Variants in ARL8B observed in about 807,000 individuals in gnomAD.
ARL8B encodes the protein ADP-ribosylation factor-like protein 8B.
In ARL8B, 9 loss-of-function variants were observed where a neutral mutation model predicts 30.6. The observed-to-expected ratio is 0.29, with a 90% CI of 0.18 to 0.51. The LOEUF is 0.51. ARL8B is among the 20% of genes least tolerant of loss of function. The probability of loss-of-function intolerance (pLI) is 0.97; values close to 1 mark genes in which losing one functional copy is unlikely to be tolerated. For missense variants in ARL8B, 130 were observed against 227.2 expected, an observed-to-expected ratio of 0.57 and a Z score of 2.75; for synonymous variants, 74 against 76.0, an observed-to-expected ratio of 0.97 and a Z score of 0.14.
intron 1 of ARL8B, among the ~76,000 whole-genome samples, chr3:5,154,461 A>G (rs1422194328): frequency 6.6e-6 from 1 of 151,352 alleles, no homozygotes; most frequent in Non-Finnish European, 1.5e-5. Context: ...CAGCCTCCCG[A>G]GTAGCTGGGA....
chr3:5,134,400 G>C (rs945111184), intron 1 of ARL8B, among the ~76,000 whole-genome samples: 1 of 152,246 alleles, frequency 6.6e-6, no homozygotes, highest in African/African-American at 2.4e-5. Context: ...GAGTGGGTCA[G>C]ATTCGTTTGC....
intron 2 of ARL8B, among the ~76,000 whole-genome samples, chr3:5,171,840 T>G (rs2054679186): frequency 6.6e-6 from 1 of 152,240 alleles, no homozygotes; most frequent in Admixed American, 6.5e-5. Flanking sequence ...ATTGTTATCA[T>G]AAAGACATAT....
At chr3:5,148,214 C>T (rs11706544) in intron 1 of ARL8B, among the ~76,000 whole-genome samples, 60,112 of 151,788 alleles carry the variant, frequency 0.4, 13,830 homozygotes, top group African/African-American at 0.66. Context: ...TGAGGGCATC[C>T]TCTAGGAGTG....
chr3:5,153,395 A>G (rs10428135), intron 1 of ARL8B, among the ~76,000 whole-genome samples: 57,891 of 151,920 alleles, frequency 0.38, 12,432 homozygotes, highest in African/African-American at 0.6. Context: ...GAGTTTCTCT[A>G]CACAAGCTCT....
intron 1 of ARL8B, among the ~76,000 whole-genome samples, chr3:5,154,360 G>T (rs1009914947): frequency 9.8e-5 from 12 of 123,062 alleles, no homozygotes; most frequent in Admixed American, 2.2e-4. Flanking sequence ...TTGAGACAGG[G>T]TCTCGCTGTG....
chr3:5,173,055 G>A (rs2054691072), intron 4 of ARL8B, among the ~76,000 whole-genome samples: 1 of 152,184 alleles, frequency 6.6e-6, no homozygotes. Context: ...TAGATACTCT[G>A]AAAACACTTG....
intron 1 of ARL8B, among the ~76,000 whole-genome samples, chr3:5,127,519 ATATT>A (rs1393391973): frequency 6.6e-6 from 1 of 152,266 alleles, no homozygotes; most frequent in East Asian, 1.9e-4. Context: ...TGAGGACTAT[ATATT>A]TATCTATGAA....
chr3:5,141,743 T>G (rs2054375205), intron 1 of ARL8B, among the ~76,000 whole-genome samples: 1 of 152,210 alleles, frequency 6.6e-6, no homozygotes, highest in Non-Finnish European at 1.5e-5. Context: ...AGCATAACAC[T>G]TACACCCCCT....
chr3:5,172,493 T>C (rs936785879), intron 3 of ARL8B, among the ~76,000 whole-genome samples, 154 bp from the exon 4 acceptor site: 4 of 152,210 alleles, frequency 2.6e-5, no homozygotes, highest in Admixed American at 6.5e-5. Context: ...AGTTAAAAAG[T>C]ATTAAAGGGT....
rs777278280 is a variant in ARL8B at position 5,122,430 on chromosome 3, C to A, written c.-36C>A. The A allele has an allele frequency of 6.2e-7, 1 of 1,610,522 alleles. No individual in the cohort carries two copies. Among genetic ancestry groups the A allele is most frequent in the East Asian group, 2.2e-5 (1 of 44,826 alleles). On this transcript the variant is annotated 5_prime_UTR_variant, in exon 1 of 7. Transcript: ENST00000256496. ...GGAAGTCGTCGACGCCGCCGCTCGT[C>A]CGTCCTCCCGTCCGTTCTCGCTCCC...
chr3:5,130,550 G>A (rs1316027865), intron 1 of ARL8B, among the ~76,000 whole-genome samples: 1 of 151,312 alleles, frequency 6.6e-6, no homozygotes, highest in Non-Finnish European at 1.5e-5. Flanking sequence ...TTTTTTGGCG[G>A]GGGGATGGAA....
intron 1 of ARL8B, among the ~76,000 whole-genome samples, chr3:5,156,095 G>A (rs778160717): frequency 4.6e-5 from 7 of 152,032 alleles, no homozygotes; most frequent in African/African-American, 7.2e-5. Context: ...TAGAGATGGC[G>A]TTACACTATG....
chr3:5,131,421 C>G (rs186887331), intron 1 of ARL8B, among the ~76,000 whole-genome samples: 8 of 150,880 alleles, frequency 5.3e-5, no homozygotes, highest in Non-Finnish European at 1.2e-4. Flanking sequence ...GACAGAGTCT[C>G]ACTCTGTCAC....
chr3:5,131,943 G>T (rs1489230453), intron 1 of ARL8B, among the ~76,000 whole-genome samples: 1 of 152,144 alleles, frequency 6.6e-6, no homozygotes, highest in Non-Finnish European at 1.5e-5. Context: ...GAGTAAAGTG[G>T]CATAATCATG....
rs28783092 is a variant in ARL8B, at chr3:5,146,649, C to A, written c.124-23854C>A. Among the ~76,000 whole-genome samples the A allele has an allele frequency of 5.4e-3, 822 of 152,198 alleles. 5 individuals are homozygous for A. The highest frequency in any genetic ancestry group is 0.019 in the African/African-American group (783 of 41,510). ...AGGCCCATTATGACTTTTAATTGTTCTGCCTGTATTCCTAATTCTAAACCC... is the reference window on the plus strand; with the variant it reads ...AGGCCCATTATGACTTTTAATTGTTATGCCTGTATTCCTAATTCTAAACCC... On this transcript the variant is annotated intron_variant, in intron 1 of 6. Transcript: ENST00000256496.
chr3:5,135,230 A>G (rs2054314279), intron 1 of ARL8B, among the ~76,000 whole-genome samples: 1 of 152,158 alleles, frequency 6.6e-6, no homozygotes, highest in Non-Finnish European at 1.5e-5. Context: ...CCCATTTCCA[A>G]TACAAAGAAC....
At chr3:5,161,308 A>C (rs893917669) in intron 1 of ARL8B, among the ~76,000 whole-genome samples, 18 of 152,128 alleles carry the variant, frequency 1.2e-4, no homozygotes, top group African/African-American at 3.9e-4. Flanking sequence ...TCAAAAAAAG[A>C]CAAAACAAAA....
chr3:5,145,461 T>C (rs1050410301), intron 1 of ARL8B, among the ~76,000 whole-genome samples: 1 of 152,230 alleles, frequency 6.6e-6, no homozygotes, highest in Non-Finnish European at 1.5e-5. Context: ...CTACTGCTTG[T>C]ACACATTCGG....
rs138087730 is a variant in ARL8B at position 5,157,609 on chromosome 3, A to G, written c.124-12894A>G. Among the ~76,000 whole-genome samples, 13 of 152,338 alleles carry G rather than the reference A, an allele frequency of 8.5e-5. No homozygotes were observed. The East Asian group carries it at 1.9e-3, about 23-fold the overall frequency. On this transcript the variant is annotated intron_variant, in intron 1 of 6. Transcript: ENST00000256496. ...AGAGAGGATTTTCTTCTCCGTAAGTACAGCTGGTCCATAGCTGCCTTAAGT... is the reference window on the plus strand; with the variant it reads ...AGAGAGGATTTTCTTCTCCGTAAGTGCAGCTGGTCCATAGCTGCCTTAAGT...
Sources: gnomAD v4.1 joint callset for allele counts (sites outside exome capture counted in the v4.1 genomes callset) on GRCh38, gnomAD v4.1.1 for gene constraint, MANE v1.5 for transcripts, NCBI Gene and HGNC (gene_info 2026-07-23, HGNC 2026-07-21) for gene names.